The following SMYD3 variants were observed in gnomAD, a reference collection of about 807,000 sequenced individuals.
SMYD3 encodes SET and MYND domain containing 3, also known as histone-lysine N-methyltransferase SMYD3.
In SMYD3, 36 loss-of-function variants were observed where a neutral mutation model predicts 57.7. The observed-to-expected ratio is 0.62, with a 90% CI of 0.48 to 0.82. SMYD3 has a LOEUF of 0.82. SMYD3 is among the 40% of genes least tolerant of loss of function. The pLI, the probability that SMYD3 is intolerant of heterozygous loss-of-function variation, is 0.00. For missense variants in SMYD3, 515 were observed against 538.8 expected, an observed-to-expected ratio of 0.96 and a Z score of 0.44; for synonymous variants, 211 against 195.0, an observed-to-expected ratio of 1.08 and a Z score of -0.68.
At chr1:246,506,488 C>G (rs2068540249) in intron 1 of SMYD3, among the ~76,000 whole-genome samples, 1 of 152,182 alleles carries the variant, frequency 6.6e-6, no homozygotes, top group African/African-American at 2.4e-5. Context: ...CTCACTTGAT[C>G]AGCTCTTTGA....
chr1:245,891,164 G>A (rs2148582044), intron 8 of SMYD3, among the ~76,000 whole-genome samples: 1 of 152,218 alleles, frequency 6.6e-6, no homozygotes, highest in East Asian at 1.9e-4. Context: ...TGATACAACA[G>A]GGTGACCAGA....
At position 246,124,008 on chromosome 1, in the gene SMYD3, A is replaced by G. The variant is rs542157727; in HGVS notation, c.532-194071T>C. Among the ~76,000 whole-genome samples, 247 of 152,308 alleles carry G rather than the reference A, an allele frequency of 1.6e-3. 1 individual carries two copies. The highest frequency in any genetic ancestry group is 5.7e-3 in the African/African-American group (238 of 41,560). ...TATACCACATTTTCTTTATTTTAAA[A>G]TCTCTCCATTTAAGATCCTTTCCAC... On this transcript the variant is annotated intron_variant, in intron 5 of 11. Transcript: ENST00000490107.
At chr1:245,787,410 C>T (rs1273526820) in intron 10 of SMYD3, among the ~76,000 whole-genome samples, 1 of 152,216 alleles carries the variant, frequency 6.6e-6, no homozygotes, top group African/African-American at 2.4e-5. Flanking sequence ...TTCACATCCA[C>T]ACTGTGAAGT....
chr1:246,382,542 A>C (rs551868906), intron 1 of SMYD3, among the ~76,000 whole-genome samples: 26 of 152,004 alleles, frequency 1.7e-4, no homozygotes, highest in Non-Finnish European at 3.5e-4. Flanking sequence ...CCCCAGCACC[A>C]GGCCAATCCC....
At chr1:246,060,693 G>A (rs1406313790) in intron 5 of SMYD3, among the ~76,000 whole-genome samples, 2 of 152,044 alleles carry the variant, frequency 1.3e-5, no homozygotes, top group South Asian at 2.1e-4. Context: ...TGCAAAATGA[G>A]TCCTAGATCT....
intron 5 of SMYD3, among the ~76,000 whole-genome samples, chr1:245,932,760 C>T (rs1019619280): frequency 2.0e-5 from 3 of 152,128 alleles, no homozygotes; most frequent in Admixed American, 1.3e-4. Context: ...AGGAGTCTTG[C>T]TATATTGCCC....
chr1:245,894,456 C>A (rs1350421890), intron 8 of SMYD3, among the ~76,000 whole-genome samples: 1 of 152,062 alleles, frequency 6.6e-6, no homozygotes, highest in East Asian at 1.9e-4. Context: ...TGTTTTTTCA[C>A]TCTTCACAAT....
At chr1:245,768,057 T>A (rs2046188821) in intron 10 of SMYD3, among the ~76,000 whole-genome samples, 1 of 152,128 alleles carries the variant, frequency 6.6e-6, no homozygotes, top group Non-Finnish European at 1.5e-5. Context: ...CTGAGTTGAC[T>A]CCATGATTCA....
At chr1:245,830,989 T>C (rs1438893463) in intron 10 of SMYD3, among the ~76,000 whole-genome samples, 3 of 152,182 alleles carry the variant, frequency 2.0e-5, no homozygotes, top group African/African-American at 7.2e-5. Flanking sequence ...AGTGTTGGCC[T>C]GGTTTCTCTC....
At chr1:245,862,514 C>T (rs1343967242) in intron 9 of SMYD3, among the ~76,000 whole-genome samples, 2 of 151,560 alleles carry the variant, frequency 1.3e-5, no homozygotes, top group African/African-American at 2.4e-5. Flanking sequence ...TTTTTTCTTT[C>T]GAGATACTGA....
intron 5 of SMYD3, among the ~76,000 whole-genome samples, chr1:246,126,218 G>C (rs762191545): frequency 1.9e-4 from 29 of 152,304 alleles, no homozygotes; most frequent in Non-Finnish European, 3.8e-4. Flanking sequence ...GTTCTCACTG[G>C]GGGTACTAGG....
chr1:246,496,780 A>C (rs12735028), intron 1 of SMYD3, among the ~76,000 whole-genome samples: 58,922 of 152,020 alleles, frequency 0.39, 13,173 homozygotes, highest in East Asian at 0.71. Flanking sequence ...AGCCAGGAGC[A>C]CACCACTGCA....
rs969039696 is a variant in SMYD3, at chr1:246,040,394, T to TC, written c.532-110458dup. On this transcript the variant is annotated intron_variant, in intron 5 of 11. Transcript: ENST00000490107. ...CGCAAGTGCTGCCGCTTATCTTTTT[T>TC]CTCACGAAAATGTGACCTTGGGCTC... is the stretch of plus-strand genomic sequence containing the variant. 1.2e-4 allele frequency among the ~76,000 whole-genome samples: 19 copies of TC among 152,172 alleles called. No individual in the cohort carries two copies. In the South Asian group the frequency reaches 1.7e-3, roughly 13 times the overall value.
At chr1:246,002,259 A>C (rs1315074388) in intron 5 of SMYD3, among the ~76,000 whole-genome samples, 5 of 138,994 alleles carry the variant, frequency 3.6e-5, no homozygotes, top group Admixed American at 1.5e-4. Context: ...ATCTCGGCTC[A>C]CTGCAAGCTC....
chr1:245,913,866 G>A (rs762859218), intron 8 of SMYD3, among the ~76,000 whole-genome samples: 1 of 152,080 alleles, frequency 6.6e-6, no homozygotes, highest in Non-Finnish European at 1.5e-5. Flanking sequence ...CAATAAAAAT[G>A]CTTATCAGCA....
intron 5 of SMYD3, among the ~76,000 whole-genome samples, chr1:246,226,686 G>T (rs2063335471): frequency 6.6e-6 from 1 of 152,156 alleles, no homozygotes; most frequent in Non-Finnish European, 1.5e-5. Context: ...ACCATTTCTA[G>T]TCTTTTTACA....
intron 5 of SMYD3, among the ~76,000 whole-genome samples, chr1:246,321,437 T>A (rs1330524397): frequency 3.3e-5 from 5 of 152,220 alleles, no homozygotes; most frequent in Admixed American, 6.5e-5. Flanking sequence ...GAGAGAATTT[T>A]ATTTACTTGA....
chr1:246,485,610 C>T (rs990064878), intron 1 of SMYD3, among the ~76,000 whole-genome samples: 1 of 151,516 alleles, frequency 6.6e-6, no homozygotes, highest in African/African-American at 2.4e-5. Context: ...AGTGAGACCC[C>T]CCCCCACATC....
intron 1 of SMYD3, among the ~76,000 whole-genome samples, chr1:246,460,996 A>G (rs1167972043): frequency 9.9e-5 from 15 of 152,242 alleles, no homozygotes; most frequent in Non-Finnish European, 1.2e-4. Flanking sequence ...AGCCATGACA[A>G]GTTAGCCTGA....
Sources: allele counts gnomAD v4.1 joint callset (sites outside exome capture counted in the v4.1 genomes callset), GRCh38; gene constraint gnomAD v4.1.1; transcripts MANE v1.5; gene names NCBI Gene and HGNC (gene_info 2026-07-23, HGNC 2026-07-21).